PHC2: variants seen among roughly 807,000 people sequenced by gnomAD.
The protein encoded by PHC2 is polyhomeotic homolog 2, also known as polyhomeotic-like protein 2.
Under a neutral mutation model 87.4 loss-of-function variants are expected in PHC2, and 29 were observed. The observed-to-expected ratio is 0.33, with a 90% confidence interval of 0.25 to 0.45. The LOEUF is 0.45. Among genes scored for constraint, PHC2 ranks in the 20% least tolerant of loss-of-function variants. The pLI is 1.00. For missense variants in PHC2, 857 were observed against 1,136.7 expected (o/e 0.75, Z 3.54); for synonymous variants, 438 against 461.7 (o/e 0.95, Z 0.66).
intron 1 of PHC2, among the ~76,000 whole-genome samples, chr1:33,389,220 C>G (rs1648928568): frequency 6.6e-6 from 1 of 152,074 alleles, no homozygotes; most frequent in Non-Finnish European, 1.5e-5. Context: ...TTGGTGATTG[C>G]TATTACTAGA....
intron 7 of PHC2, among the ~76,000 whole-genome samples, chr1:33,362,375 T>A (rs1050017584): frequency 2.0e-5 from 3 of 152,118 alleles, no homozygotes; most frequent in Non-Finnish European, 4.4e-5. Flanking sequence ...AGAGGGGGCC[T>A]TTCCAGAGAG....
intron 1 of PHC2, among the ~76,000 whole-genome samples, chr1:33,378,311 G>A (rs1352674425): frequency 2.0e-5 from 3 of 152,182 alleles, no homozygotes; most frequent in African/African-American, 7.2e-5. Context: ...AAAACTAATT[G>A]TAAAGGTGAG....
At chr1:33,366,335 C>G (rs533941349) in intron 7 of PHC2, among the ~76,000 whole-genome samples, 3 of 152,318 alleles carry the variant, frequency 2.0e-5, no homozygotes, top group African/African-American at 7.2e-5. Context: ...TTCTTGGGCT[C>G]TTGGCAGATT....
chr1:33,360,643 C>T (rs1398241067), intron 7 of PHC2, among the ~76,000 whole-genome samples: 1 of 152,258 alleles, frequency 6.6e-6, no homozygotes, highest in Admixed American at 6.5e-5. Flanking sequence ...TAAATGGTAG[C>T]TATTCTTAAA....
chr1:33,349,631 G>T lies in PHC2; in HGVS notation c.1558+4770C>A. 1.5e-5 allele frequency: 15 copies of T among 983,540 alleles called. No individual in the cohort carries two copies. Among genetic ancestry groups the T allele is most frequent in the Non-Finnish European group, 1.8e-5 (15 of 829,346 alleles). 60.9% of individuals were successfully genotyped at this position (983,540 alleles called of 1,614,324 possible). ...GCCCGGCTGGGCCTGGCCGGGCGGG[G>T]CCTACGCAGCCCCTCGGCCGGGCGC... On this transcript the variant is annotated intron_variant, in intron 9 of 14. Coordinates refer to ENST00000683057, the MANE Select transcript of PHC2 (RefSeq NM_001385109.1). This position sits in a 1 kb window ranked among gnomAD's most constrained non-coding sequence, Gnocchi z 4.2.
intron 12 of PHC2, 107 bp from the exon 13 acceptor site, chr1:33,330,319 G>T: frequency 8.3e-7 from 1 of 1,203,368 alleles, no homozygotes; most frequent in Non-Finnish European, 1.2e-6. Flanking sequence ...TCCATCTATT[G>T]GTTCAGATCC....
intron 1 of PHC2, among the ~76,000 whole-genome samples, chr1:33,408,214 A>G (rs1260955574): frequency 1.3e-5 from 2 of 152,196 alleles, no homozygotes; most frequent in East Asian, 1.9e-4. Context: ...CTGGAGAGGG[A>G]GTGAATCAGT....
In PHC2 at chr1:33,382,120, T is replaced by C. The variant is rs1020113945; in HGVS notation, c.-54-6527A>G. Reference sequence around the variant, plus strand: ...TCTCCTAGTAGAAGGGAACTTGAGTTGGAAGAAAACATAATTAGTAAGTGT... The same window carrying C: ...TCTCCTAGTAGAAGGGAACTTGAGTCGGAAGAAAACATAATTAGTAAGTGT... On this transcript the variant is annotated intron_variant, in intron 1 of 14. Transcript: ENST00000683057. This position sits in a 1 kb window ranked among gnomAD's most constrained non-coding sequence, Gnocchi z 4.3. Among the ~76,000 whole-genome samples the C allele has an allele frequency of 6.6e-6, 1 of 152,194 alleles. No homozygotes were observed. The highest frequency in any genetic ancestry group is 1.5e-5 in the Non-Finnish European group (1 of 68,040).
chr1:33,349,755 G>A lies in PHC2; in HGVS notation c.1558+4646C>T. The A allele has an allele frequency of 1.0e-6, 1 of 982,732 alleles. No homozygotes were observed. Among genetic ancestry groups the A allele is most frequent in the Non-Finnish European group, 1.2e-6 (1 of 829,278 alleles). 60.9% of individuals were successfully genotyped at this position (982,732 alleles called of 1,614,324 possible). On this transcript the variant is annotated intron_variant, in intron 9 of 14. Transcript: ENST00000683057. This position sits in a 1 kb window ranked among gnomAD's most constrained non-coding sequence, Gnocchi z 4.2. ...CTGCCGCGGCGCATCCGACCGCACCGGCCTGGCCGGCGTCAACAAAGGGCG... is the reference window on the plus strand; with the variant it reads ...CTGCCGCGGCGCATCCGACCGCACCAGCCTGGCCGGCGTCAACAAAGGGCG...
chr1:33,335,996 G>GTTGTTGTTGT (rs747951027), intron 9 of PHC2, among the ~76,000 whole-genome samples: 3 of 146,588 alleles, frequency 2.0e-5, no homozygotes, highest in Admixed American at 6.8e-5. Flanking sequence ...TGTTGTTGTT[G>GTTGTTGTTGT]TTTTTTTTTT....
At chr1:33,413,821 A>G (rs922032444) in intron 1 of PHC2, among the ~76,000 whole-genome samples, 2 of 152,168 alleles carry the variant, frequency 1.3e-5, no homozygotes, top group Non-Finnish European at 2.9e-5. Context: ...TATTTTCCTA[A>G]TGAAAAAAGC....
intron 1 of PHC2, among the ~76,000 whole-genome samples, chr1:33,413,187 G>T (rs192627691): frequency 6.6e-6 from 1 of 152,072 alleles, no homozygotes; most frequent in Admixed American, 6.5e-5. Context: ...GGCTGGTCTC[G>T]AACTCCTGAC....
intron 6 of PHC2, 25 bp from the exon 7 acceptor site, chr1:33,367,453 T>C (rs1385015391): frequency 6.6e-7 from 1 of 1,516,742 alleles, no homozygotes; most frequent in South Asian, 1.3e-5. Flanking sequence ...TCTGTGGGAG[T>C]CCAGAGAATG....
chr1:33,402,319 T>C (rs897254905), intron 1 of PHC2, among the ~76,000 whole-genome samples: 1 of 152,236 alleles, frequency 6.6e-6, no homozygotes, highest in South Asian at 2.1e-4. Flanking sequence ...GCAATGGTTA[T>C]GTTCACATGG....
Position 33,330,012 on chromosome 1 carries a change from A to G in PHC2, c.2148+59T>C, listed in dbSNP as rs1268696299. 7 of 1,590,244 alleles carry G rather than the reference A, an allele frequency of 4.4e-6. No homozygotes were observed. The African/African-American group carries it at 9.4e-5, about 21-fold the overall frequency. On this transcript the variant is annotated intron_variant, in intron 13 of 14. Coordinates refer to ENST00000683057, the MANE Select transcript of PHC2 (RefSeq NM_001385109.1). ...GGAGGGGACCGTGGTGTCGAGGGCC[A>G]TGGAAGGGAAGCTGTGGGGACTGTG...
In PHC2 at chr1:33,415,443, C is replaced by T. The variant is rs201889386; in HGVS notation, c.-55+15533G>A. On this transcript the variant is annotated intron_variant, in intron 1 of 14. Transcript: ENST00000683057. ...TAGTGAGGGCTAAATTGGTTCTAGA[C>T]CAACGGCTGCTCTGGACCCACCATA... Among the ~76,000 whole-genome samples, 4 of 152,296 alleles carry T rather than the reference C, an allele frequency of 2.6e-5. No individual in the cohort carries two copies. The East Asian group carries it at 7.7e-4, about 29-fold the overall frequency.
rs1292342425 is a variant in PHC2, at chr1:33,368,711, G to A, written c.577-89C>T. On this transcript the variant is annotated intron_variant, in intron 5 of 14. Transcript: ENST00000683057. This position sits in a 1 kb window ranked among gnomAD's most constrained non-coding sequence, Gnocchi z 6.6. The stretch of plus-strand genomic sequence containing the variant: ...GGCCTGGAATCACAGGAAACGAGGC[G>A]CCTTTTACCTGCTCGATGTGGACTC... 14 of 917,844 alleles carry A rather than the reference G, an allele frequency of 1.5e-5. No individual in the cohort carries two copies. Among genetic ancestry groups the A allele is most frequent in the Non-Finnish European group, 2.3e-5 (13 of 571,404 alleles). The allele number at this position is 917,844 out of a possible 1,614,324, so 56.9% of individuals were successfully genotyped here.
At chr1:33,326,642 C>G (rs1419894079) in intron 14 of PHC2, among the ~76,000 whole-genome samples, 1 of 152,210 alleles carries the variant, frequency 6.6e-6, no homozygotes, top group Non-Finnish European at 1.5e-5. Flanking sequence ...TTAAGAAATA[C>G]TGAATTACTG....
chr1:33,373,401 G>A (rs891856705), intron 2 of PHC2, among the ~76,000 whole-genome samples: 1 of 152,084 alleles, frequency 6.6e-6, no homozygotes. Context: ...GATTACAGGC[G>A]TGAGCCACTG....
Sources: allele counts gnomAD v4.1 joint callset (sites outside exome capture counted in the v4.1 genomes callset), GRCh38; gene constraint gnomAD v4.1.1; non-coding constraint Gnocchi (gnomAD v3.1); transcripts MANE v1.5; gene names NCBI Gene and HGNC (gene_info 2026-07-23, HGNC 2026-07-21).